CTNND2: variants seen among roughly 807,000 people sequenced by gnomAD.
CTNND2 encodes the protein catenin delta 2, also known as catenin delta-2.
Under a neutral mutation model 144.4 loss-of-function variants are expected in CTNND2, and 22 were observed. The observed-to-expected ratio is 0.15, with a 90% CI of 0.11 to 0.22. CTNND2 has a LOEUF of 0.22. Among genes scored for constraint, CTNND2 ranks in the 10% least tolerant of loss-of-function variants. The pLI, the probability that CTNND2 is intolerant of heterozygous loss-of-function variation, is 1.00. For synonymous variants in CTNND2, 751 were observed against 695.6 expected (o/e 1.08, Z -1.25); for missense variants, 1,353 against 1,618.8 (o/e 0.84, Z 2.82).
intron 9 of CTNND2, among the ~76,000 whole-genome samples, chr5:11,295,008 A>G (rs1197913404): frequency 1.3e-5 from 2 of 152,224 alleles, no homozygotes; most frequent in African/African-American, 4.8e-5. Context: ...AAGGAAATAA[A>G]GGGTATTCAA....
At chr5:11,507,459 G>A (rs1561490297) in intron 3 of CTNND2, among the ~76,000 whole-genome samples, 2 of 152,184 alleles carry the variant, frequency 1.3e-5, no homozygotes, top group Non-Finnish European at 2.9e-5. Context: ...AAGGAACTGG[G>A]CTTTTGAGTG....
At chr5:10,993,881 T>G (rs1330576505) in intron 18 of CTNND2, among the ~76,000 whole-genome samples, 1 of 152,092 alleles carries the variant, frequency 6.6e-6, no homozygotes, top group African/African-American at 2.4e-5. Context: ...ATTTATGTTT[T>G]CAATGATTTT....
At chr5:11,881,120 G>T (rs1357209967) in intron 1 of CTNND2, among the ~76,000 whole-genome samples, 1 of 151,230 alleles carries the variant, frequency 6.6e-6, no homozygotes, top group African/African-American at 2.4e-5. Context: ...TTGTGCCCAA[G>T]AAACTCTGCA....
chr5:11,270,702 T>C (rs930751914), intron 9 of CTNND2, among the ~76,000 whole-genome samples: 21 of 152,218 alleles, frequency 1.4e-4, no homozygotes, highest in African/African-American at 4.3e-4. Flanking sequence ...ATTATACTTC[T>C]AGGCTATGTC....
intron 12 of CTNND2, among the ~76,000 whole-genome samples, chr5:11,126,886 T>C (rs1754732061): frequency 6.6e-6 from 1 of 152,196 alleles, no homozygotes; most frequent in African/African-American, 2.4e-5. Context: ...ATAATAAACA[T>C]GTTTCCAGCA....
intron 1 of CTNND2, among the ~76,000 whole-genome samples, chr5:11,881,848 C>T (rs1736140688): frequency 6.6e-6 from 1 of 152,026 alleles, no homozygotes; most frequent in Non-Finnish European, 1.5e-5. Context: ...TACATTTCCA[C>T]CGACAGTGTA....
chr5:11,255,048 T>A (rs1165919025), intron 9 of CTNND2, among the ~76,000 whole-genome samples: 1 of 152,232 alleles, frequency 6.6e-6, no homozygotes, highest in Admixed American at 6.5e-5. Context: ...TTCAAAACAT[T>A]TTCCCTCCAT....
At chr5:11,496,590 G>A (rs1165112550) in intron 3 of CTNND2, among the ~76,000 whole-genome samples, 2 of 152,130 alleles carry the variant, frequency 1.3e-5, no homozygotes, top group Non-Finnish European at 2.9e-5. Flanking sequence ...TATTACACAT[G>A]TACATGGTGA....
intron 3 of CTNND2, among the ~76,000 whole-genome samples, chr5:11,549,453 C>A (rs1291730506): frequency 6.6e-6 from 1 of 152,126 alleles, no homozygotes; most frequent in Admixed American, 6.6e-5. Context: ...CCCCAGCATC[C>A]ACTCACCCCC....
intron 9 of CTNND2, among the ~76,000 whole-genome samples, chr5:11,262,594 C>G (rs1016599891): frequency 1.1e-4 from 16 of 151,540 alleles, no homozygotes; most frequent in African/African-American, 3.6e-4. Flanking sequence ...AACCCCGTCT[C>G]TACTAAAAAT....
At chr5:11,798,526 T>C (rs1048143875) in intron 1 of CTNND2, among the ~76,000 whole-genome samples, 6 of 152,182 alleles carry the variant, frequency 3.9e-5, no homozygotes, top group Non-Finnish European at 8.8e-5. Flanking sequence ...CCCAGAACTC[T>C]GGGAGGCCAA....
chr5:11,446,221 C>T (rs946399227), intron 3 of CTNND2, among the ~76,000 whole-genome samples: 1 of 152,196 alleles, frequency 6.6e-6, no homozygotes, highest in African/African-American at 2.4e-5. Flanking sequence ...GATCCACCTG[C>T]CTTGGCCTCC....
At chr5:11,000,557 T>C (rs1253833700) in intron 18 of CTNND2, among the ~76,000 whole-genome samples, 1 of 152,196 alleles carries the variant, frequency 6.6e-6, no homozygotes, top group Non-Finnish European at 1.5e-5. Flanking sequence ...TCAGTTCAGA[T>C]GAGCACAGGA....
intron 9 of CTNND2, among the ~76,000 whole-genome samples, chr5:11,312,631 C>G (rs191263682): frequency 1.4e-5 from 2 of 141,544 alleles, no homozygotes; most frequent in African/African-American, 5.1e-5. Context: ...GGTGGGGACA[C>G]AGCCAAACCA....
chr5:11,074,992 G>T (rs1310309918), intron 16 of CTNND2, among the ~76,000 whole-genome samples: 2 of 150,908 alleles, frequency 1.3e-5, no homozygotes, highest in Non-Finnish European at 1.5e-5. Flanking sequence ...TGAAAAGGAT[G>T]ATCTAAAGAT....
rs368307198 is a variant in CTNND2, at chr5:11,188,613, T to A, written c.1975+10835A>T. ...GTACACGTACCCTGGAACTTTAAAATAAATAAAATTTAAAAATTAAAAACA... is the reference window on the plus strand; with the variant it reads ...GTACACGTACCCTGGAACTTTAAAAAAAATAAAATTTAAAAATTAAAAACA... On this transcript the variant is annotated intron_variant, in intron 11 of 21. Coordinates refer to ENST00000304623, the MANE Select transcript of CTNND2 (RefSeq NM_001332.4). Among the ~76,000 whole-genome samples the A allele has an allele frequency of 9.2e-5, 14 of 152,300 alleles. No homozygotes were observed. The East Asian group carries it at 2.3e-3, about 25-fold the overall frequency.
In CTNND2 at chr5:11,876,864, A is replaced by G. The variant is rs1735606786; in HGVS notation, c.37+26953T>C. Among the ~76,000 whole-genome samples the G allele has an allele frequency of 2.0e-5, 3 of 152,232 alleles. No individual in the cohort carries two copies. In the South Asian group the frequency reaches 6.2e-4, roughly 32 times the overall value. ...ATCAAACATGAAAGAAATAAGCCAC[A>G]TTTAACATCATGACATTTAGTCCAG... On this transcript the variant is annotated intron_variant, in intron 1 of 21. Transcript: ENST00000304623.
intron 6 of CTNND2, among the ~76,000 whole-genome samples, chr5:11,393,972 G>A (rs1581100908): frequency 6.6e-6 from 1 of 152,076 alleles, no homozygotes; most frequent in South Asian, 2.1e-4. Flanking sequence ...AGCCACTCTG[G>A]CATCCTTGCT....
At chr5:11,588,149 C>T (rs1298683832) in intron 2 of CTNND2, among the ~76,000 whole-genome samples, 1 of 151,932 alleles carries the variant, frequency 6.6e-6, no homozygotes, top group East Asian at 1.9e-4. Context: ...CACTGAGAAC[C>T]AAATAATCTC....
Sources: allele counts gnomAD v4.1 joint callset (sites outside exome capture counted in the v4.1 genomes callset), GRCh38; gene constraint gnomAD v4.1.1; transcripts MANE v1.5; gene names NCBI Gene and HGNC (gene_info 2026-07-23, HGNC 2026-07-21).